Variants in MPRIP observed in about 807,000 individuals in gnomAD.
The protein encoded by MPRIP is myosin phosphatase Rho-interacting protein.
In MPRIP, 59 loss-of-function variants were observed where a neutral mutation model predicts 234.9. That is an observed-to-expected ratio of 0.25 (90% CI 0.20 to 0.31). The LOEUF (loss-of-function observed/expected upper bound fraction) is 0.31. Ranked by LOEUF, MPRIP falls within the 10% of genes least tolerant of loss-of-function variation. MPRIP has a pLI of 1.00. For synonymous variants in MPRIP, 1,144 were observed against 1,263.9 expected, an observed-to-expected ratio of 0.91 and a Z score of 2.01; for missense variants, 2,436 against 3,071.0, an observed-to-expected ratio of 0.79 and a Z score of 4.89.
At chr17:17,076,556 G>C (rs577220705) in intron 2 of MPRIP, among the ~76,000 whole-genome samples, 1 of 152,290 alleles carries the variant, frequency 6.6e-6, no homozygotes, top group African/African-American at 2.4e-5. Context: ...CTTTGGGATT[G>C]CTTCTAGAAT....
At chr17:17,102,928 G>A (rs1453904427) in intron 3 of MPRIP, among the ~76,000 whole-genome samples, 1 of 152,222 alleles carries the variant, frequency 6.6e-6, no homozygotes, top group Non-Finnish European at 1.5e-5. Flanking sequence ...ACCTCTGTTT[G>A]TCCCGTTTGT....
Position 17,042,951 on chromosome 17 carries a change from A to T in MPRIP, c.103A>T (p.Asn35Tyr). The change falls in exon 1 of 24, where the codon AAC (asparagine) becomes TAC (tyrosine). Residue 35 changes from asparagine (N) to tyrosine (Y), a missense_variant. Physicochemically the swap from Asn to Tyr is moderately radical, Grantham distance 143 (BLOSUM62 -2). Around this residue, in one of 4 missense-constraint regions of MPRIP, gnomAD observed 140 missense variants for 207.3 expected, o/e 0.68. Coordinates refer to ENST00000651222, the MANE Select transcript of MPRIP (RefSeq NM_001364716.4). ...CFKPRESHLL[N>Y]DEDLTQAKPI... ...CAAGCCCCGCGAGTCGCATCTGCTC[A>T]ACGACGAGGACCTGACGCAGGTGAG... is the stretch of plus-strand genomic sequence containing the variant. The T allele has an allele frequency of 6.2e-7, 1 of 1,610,920 alleles. No individual in the cohort carries two copies. Among genetic ancestry groups the T allele is most frequent in the South Asian group, 1.1e-5 (1 of 90,990 alleles).
In MPRIP at chr17:17,167,620, A is replaced by C. The variant is rs1187863554; in HGVS notation, c.6029A>C (p.Gln2010Pro). 2 of 1,304,148 alleles carry C rather than the reference A, an allele frequency of 1.5e-6. No homozygotes were observed. The highest frequency in any genetic ancestry group is 3.0e-5 in the African/African-American group (2 of 65,858). The allele number at this position is 1,304,148 out of a possible 1,614,324, so 80.8% of individuals were successfully genotyped here. Reference protein sequence around the residue: ...DRFQLKVRELQTIHEEELRTL... With the variant: ...DRFQLKVRELPTIHEEELRTL... ...TTCCAGCTCAAGGTCCGGGAGCTGC[A>C]GACGATCCACGAGGAGGAGCTGAGG... Residue 2010 changes from glutamine to proline, a missense_variant, in exon 16 of 24, where the codon CAG becomes CCG. Physicochemically the swap from Gln to Pro is moderately conservative, Grantham distance 76. Coordinates refer to ENST00000651222, the MANE Select transcript of MPRIP (RefSeq NM_001364716.4). This position sits in a 1 kb window ranked among gnomAD's most constrained non-coding sequence, Gnocchi z 5.9.
chr17:17,090,326 T>C (rs114121436), intron 3 of MPRIP, among the ~76,000 whole-genome samples: 5,845 of 152,248 alleles, frequency 0.038, 329 homozygotes, highest in African/African-American at 0.12. Flanking sequence ...CCCCAACCCG[T>C]CCCCTGTCCT....
chr17:17,143,489 CCAG>C (rs2045376731), intron 8 of MPRIP, 64 bp from the exon 9 acceptor site: 2 of 1,071,792 alleles, frequency 1.9e-6, no homozygotes, highest in Non-Finnish European at 1.3e-6. Flanking sequence ...GTGGACAGCA[CCAG>C]CTCGTCCCTC....
At chr17:17,145,881 C>T (rs1189558237) in intron 9 of MPRIP, among the ~76,000 whole-genome samples, 155 bp from the exon 10 acceptor site, 3 of 152,224 alleles carry the variant, frequency 2.0e-5, no homozygotes, top group Non-Finnish European at 2.9e-5. Flanking sequence ...GCAGGCAGCA[C>T]CCACCAGGGT....
At chr17:17,120,210 A>G (rs1319556837) in intron 3 of MPRIP, among the ~76,000 whole-genome samples, 1 of 152,188 alleles carries the variant, frequency 6.6e-6, no homozygotes, top group Non-Finnish European at 1.5e-5. Context: ...GCCTCTCACC[A>G]TATTTCTGCT....
chr17:17,179,979 G>A (rs1386384710), intron 22 of MPRIP, 24 bp from the exon 23 acceptor site: 2 of 1,569,636 alleles, frequency 1.3e-6, no homozygotes, highest in African/African-American at 2.7e-5. Flanking sequence ...TAACAGGTCT[G>A]TTTGTTTTCA....
At chr17:17,061,535 C>T (rs2088867166) in intron 1 of MPRIP, among the ~76,000 whole-genome samples, 1 of 152,220 alleles carries the variant, frequency 6.6e-6, no homozygotes, top group Non-Finnish European at 1.5e-5. Flanking sequence ...CAGTGAGGGG[C>T]CATCTGTCCC....
At chr17:17,107,333 C>G (rs534509264) in intron 3 of MPRIP, among the ~76,000 whole-genome samples, 4 of 152,230 alleles carry the variant, frequency 2.6e-5, no homozygotes, top group Non-Finnish European at 5.9e-5. Flanking sequence ...AGGAAGGAGC[C>G]TCAGAGCCTG....
At chr17:17,116,343 G>A (rs1346769119) in intron 3 of MPRIP, among the ~76,000 whole-genome samples, 3 of 152,208 alleles carry the variant, frequency 2.0e-5, no homozygotes, top group Non-Finnish European at 4.4e-5. Flanking sequence ...TGATAAAGGA[G>A]GCTGCTCTGT....
At chr17:17,127,085 C>T (rs538652749) in intron 4 of MPRIP, among the ~76,000 whole-genome samples, 154 of 152,338 alleles carry the variant, frequency 1.0e-3, no homozygotes, top group Middle Eastern at 3.4e-3. Context: ...CCACCTTACC[C>T]TCCTCGGGCC....
At chr17:17,044,216 A>G (rs2088273887) in intron 1 of MPRIP, among the ~76,000 whole-genome samples, 1 of 152,232 alleles carries the variant, frequency 6.6e-6, no homozygotes. Flanking sequence ...TGGTTAAGAT[A>G]CCAAGGGTTT....
intron 11 of MPRIP, 167 bp from the exon 12 acceptor site, chr17:17,149,977 G>C (rs1045623829): frequency 6.9e-6 from 4 of 583,470 alleles, no homozygotes; most frequent in African/African-American, 1.9e-5. Flanking sequence ...ATTGCACCCA[G>C]TGAGGGGCCT....
At chr17:17,176,096 G>A (rs2046247697) in intron 20 of MPRIP, among the ~76,000 whole-genome samples, 1 of 152,236 alleles carries the variant, frequency 6.6e-6, no homozygotes, top group Non-Finnish European at 1.5e-5. Flanking sequence ...GAGAGGCTGA[G>A]TGAGTCTGAC....
Position 17,143,639 on chromosome 17 carries a change from G to A in MPRIP, c.1473G>A (p.Leu491=). Residue 491 remains leucine, a synonymous_variant, in exon 9 of 24, where the codon CTG becomes CTA. Coordinates refer to ENST00000651222, the MANE Select transcript of MPRIP (RefSeq NM_001364716.4). ...CTCCACACCGAAGAGCCAAGTCACTGGACAGGAGGTCCACGGAGCCCTCCG... is the reference window on the plus strand; with the variant it reads ...CTCCACACCGAAGAGCCAAGTCACTAGACAGGAGGTCCACGGAGCCCTCCG... ...PLSPHRRAKS[L]DRRSTEPSVT... 6.2e-7 allele frequency: 1 copy of A among 1,607,390 alleles called. No homozygotes were observed. Among genetic ancestry groups the A allele is most frequent in the South Asian group, 1.1e-5 (1 of 89,390 alleles).
At chr17:17,107,921 G>C (rs1346363412) in intron 3 of MPRIP, among the ~76,000 whole-genome samples, 1 of 152,186 alleles carries the variant, frequency 6.6e-6, no homozygotes, top group Non-Finnish European at 1.5e-5. Flanking sequence ...TGGTATGCCC[G>C]CTTAGGGCCA....
In MPRIP at chr17:17,107,093, A is replaced by G. The variant is rs1032038716; in HGVS notation, c.268-19609A>G. 5.3e-5 allele frequency among the ~76,000 whole-genome samples: 8 copies of G among 152,240 alleles called. No homozygotes were observed. The South Asian group carries it at 1.2e-3, about 24-fold the overall frequency. On this transcript the variant is annotated intron_variant, in intron 3 of 23. Coordinates refer to ENST00000651222, the MANE Select transcript of MPRIP (RefSeq NM_001364716.4). Reference sequence around the variant, plus strand: ...GTTTTATCTACAACACATTTGGTCTATTCTTAGCTTCTGCTCCTGTCCTTT... The same window carrying G: ...GTTTTATCTACAACACATTTGGTCTGTTCTTAGCTTCTGCTCCTGTCCTTT...
At chr17:17,176,335 G>A in intron 20 of MPRIP, 91 bp from the exon 21 acceptor site, 1 of 956,666 alleles carries the variant, frequency 1.0e-6, no homozygotes, top group Non-Finnish European at 1.7e-6. Context: ...ACTGGTGATT[G>A]GAGAGCCCTC....
Sources: gnomAD v4.1 joint callset for allele counts (sites outside exome capture counted in the v4.1 genomes callset) on GRCh38, gnomAD v4.1.1 for gene constraint, gnomAD v4.1.1 regional missense constraint, Gnocchi (gnomAD v3.1) non-coding constraint, MANE v1.5 for transcripts, NCBI Gene and HGNC (gene_info 2026-07-23, HGNC 2026-07-21) for gene names.